KAZN: variants seen among roughly 807,000 people sequenced by gnomAD.
KAZN encodes kazrin.
A neutral mutation model predicts 87.4 loss-of-function variants in KAZN; 40 were observed. The observed-to-expected ratio is 0.46, with a 90% CI of 0.36 to 0.60. The LOEUF (loss-of-function observed/expected upper bound fraction) is 0.60. Ranked by LOEUF, KAZN falls within the 20% of genes least tolerant of loss-of-function variation. The pLI, the probability that KAZN is intolerant of heterozygous loss-of-function variation, is 0.00. For missense variants in KAZN, 898 were observed against 1,073.9 expected (o/e 0.84, Z 2.29); for synonymous variants, 466 against 458.3 (o/e 1.02, Z -0.22).
chr1:14,056,862 A>G (rs1642582369), intron 1 of KAZN, among the ~76,000 whole-genome samples: 1 of 152,042 alleles, frequency 6.6e-6, no homozygotes, highest in African/African-American at 2.4e-5. Flanking sequence ...ACAACAAACA[A>G]ACAGAAAACA....
At chr1:14,554,681 A>G (rs1031865715) in intron 2 of KAZN, among the ~76,000 whole-genome samples, 2 of 152,212 alleles carry the variant, frequency 1.3e-5, no homozygotes, top group African/African-American at 2.4e-5. Context: ...ACATCTCTAG[A>G]AAGATCTGTA....
At chr1:14,981,759 G>A (rs987574793) in intron 2 of KAZN, among the ~76,000 whole-genome samples, 1 of 152,162 alleles carries the variant, frequency 6.6e-6, no homozygotes, top group Non-Finnish European at 1.5e-5. Flanking sequence ...TATAAGTCAC[G>A]GCCATCCTTG....
chr1:14,427,872 C>T (rs143410946), intron 2 of KAZN, among the ~76,000 whole-genome samples: 1 of 152,168 alleles, frequency 6.6e-6, no homozygotes, highest in African/African-American at 2.4e-5. Context: ...TGTAAATGAA[C>T]TCCAGACTAT....
intron 1 of KAZN, among the ~76,000 whole-genome samples, chr1:14,804,451 G>A (rs1290325404): frequency 6.6e-6 from 1 of 152,156 alleles, no homozygotes; most frequent in Non-Finnish European, 1.5e-5. Flanking sequence ...CAGAGGGTCT[G>A]TTGGGCTAAC....
Position 14,184,193 on chromosome 1 carries a change from C to G in KAZN, c.249+3601C>G, listed in dbSNP as rs1481000360. Among the ~76,000 whole-genome samples the G allele has an allele frequency of 6.6e-6, 1 of 151,970 alleles. No homozygotes were observed. The highest frequency in any genetic ancestry group is 1.5e-5 in the Non-Finnish European group (1 of 67,982). ...CCGTTTTTCCTTCTGCCCTTGTCTC[C>G]TCTTCCCTTTTCTTTTTGCTTTTCT... On this transcript the variant is annotated intron_variant, in intron 2 of 16. Coordinates refer to the KAZN transcript ENST00000636203. This position sits in a 1 kb window ranked among gnomAD's most constrained non-coding sequence, Gnocchi z 4.2.
intron 2 of KAZN, among the ~76,000 whole-genome samples, chr1:14,437,150 G>C (rs1182958672): frequency 6.6e-6 from 1 of 152,166 alleles, no homozygotes; most frequent in Non-Finnish European, 1.5e-5. Context: ...AATTCAGTGA[G>C]TCAGAGCCAT....
intron 1 of KAZN, among the ~76,000 whole-genome samples, chr1:14,039,223 G>A (rs1353317411): frequency 2.0e-5 from 3 of 151,120 alleles, no homozygotes; most frequent in Admixed American, 6.6e-5. Context: ...TGAGAACAAC[G>A]TATCTAACCC....
chr1:14,924,053 G>GGGGGCGGGGCGGGGGC, intron 1 of KAZN: 1 of 898,954 alleles, frequency 1.1e-6, no homozygotes, highest in Non-Finnish European at 1.3e-6. Flanking sequence ...GCGGCGGGGC[G>GGGGGCGGGGCGGGGGC]GGGGCGGGGC....
intron 2 of KAZN, among the ~76,000 whole-genome samples, chr1:15,004,462 A>G (rs1351131476): frequency 6.6e-6 from 1 of 152,236 alleles, no homozygotes; most frequent in Non-Finnish European, 1.5e-5. Context: ...ACCATCTTGG[A>G]CAAGTGACCT....
At chr1:14,693,233 A>T (rs896169883) in intron 1 of KAZN, among the ~76,000 whole-genome samples, 1 of 152,154 alleles carries the variant, frequency 6.6e-6, no homozygotes, top group Non-Finnish European at 1.5e-5. Flanking sequence ...CCTCCTTCGC[A>T]TTTGCCGTTC....
chr1:14,671,047 G>T (rs1639886463), intron 1 of KAZN, among the ~76,000 whole-genome samples: 1 of 152,176 alleles, frequency 6.6e-6, no homozygotes, highest in Admixed American at 6.5e-5. Flanking sequence ...ATAGTGCTGA[G>T]GTTGAGAGGT....
At chr1:14,772,465 C>T (rs1372443189) in intron 1 of KAZN, among the ~76,000 whole-genome samples, 1 of 150,946 alleles carries the variant, frequency 6.6e-6, no homozygotes, top group Non-Finnish European at 1.5e-5. Flanking sequence ...GCCTGGGTGA[C>T]AGAGTGAGAT....
chr1:14,933,572 G>C (rs905503128), intron 1 of KAZN, among the ~76,000 whole-genome samples: 12 of 152,142 alleles, frequency 7.9e-5, no homozygotes, highest in African/African-American at 2.9e-4. Context: ...TGTAAATCCA[G>C]GTATCTTTTT....
intron 2 of KAZN, among the ~76,000 whole-genome samples, chr1:14,235,484 A>G (rs1236998734): frequency 2.6e-5 from 4 of 152,290 alleles, no homozygotes; most frequent in Middle Eastern, 6.8e-3. Context: ...ACTATTAGGT[A>G]AGGGGTTTCT....
intron 2 of KAZN, among the ~76,000 whole-genome samples, chr1:14,557,281 C>T (rs1211962362): frequency 1.3e-5 from 2 of 152,102 alleles, no homozygotes; most frequent in African/African-American, 2.4e-5. Flanking sequence ...ATGGCCAAAC[C>T]TTTGTGCATT....
intron 2 of KAZN, among the ~76,000 whole-genome samples, chr1:14,325,580 G>T (rs953605975): frequency 6.6e-6 from 1 of 152,036 alleles, no homozygotes; most frequent in South Asian, 2.1e-4. Flanking sequence ...CAAAAAAATG[G>T]TCAAAAGTTT....
intron 2 of KAZN, among the ~76,000 whole-genome samples, chr1:14,419,395 T>C (rs921934714): frequency 1.3e-5 from 2 of 152,032 alleles, no homozygotes; most frequent in Admixed American, 6.6e-5. Context: ...GAAGCCACCA[T>C]CCCTCCCAGC....
At chr1:14,745,318 C>A (rs1320086272) in intron 1 of KAZN, among the ~76,000 whole-genome samples, 5 of 150,236 alleles carry the variant, frequency 3.3e-5, no homozygotes, top group Non-Finnish European at 7.4e-5. Flanking sequence ...GGCTTCTCTG[C>A]AACTGTTTTT....
At chr1:14,124,439 G>A (rs1315641499) in intron 1 of KAZN, 3 of 152,180 alleles carry the variant, frequency 2.0e-5, no homozygotes, top group Admixed American at 1.3e-4. Context: ...TTTTATCTGG[G>A]TTCAGTCTCA....
Sources: allele counts gnomAD v4.1 joint callset (sites outside exome capture counted in the v4.1 genomes callset), GRCh38; gene constraint gnomAD v4.1.1; non-coding constraint Gnocchi (gnomAD v3.1); transcripts MANE v1.5; gene names NCBI Gene and HGNC (gene_info 2026-07-23, HGNC 2026-07-21).